Variants in SIGLEC1 observed in about 807,000 individuals in gnomAD.
The protein encoded by SIGLEC1 is sialoadhesin.
In SIGLEC1, 132 loss-of-function variants were observed where a neutral mutation model predicts 148.0. That is an observed-to-expected ratio of 0.89 (90% CI 0.77 to 1.03). The LOEUF is 1.03. SIGLEC1 is among the 50% of genes least tolerant of loss of function. The pLI is 0.00. For missense variants in SIGLEC1, 2,253 were observed against 2,271.4 expected, an observed-to-expected ratio of 0.99 and a Z score of 0.16; for synonymous variants, 945 against 969.0, an observed-to-expected ratio of 0.98 and a Z score of 0.46.
In SIGLEC1 at chr20:3,688,943, C is replaced by G. The variant is rs76610609; in HGVS notation, c.5070+212G>C. The G allele has an allele frequency of 6.5e-3, 3,978 of 611,864 alleles. 127 individuals carry two copies. In the African/African-American group the frequency reaches 0.067, roughly 10 times the overall value. The allele number at this position is 611,864 out of a possible 1,614,324, so 37.9% of individuals were successfully genotyped here. ...AGTCCAGAAAGTCTCCCCTAGTCCT[C>G]TAAGCCAGCCGCCAGCTGACACAGG... On this transcript the variant is annotated intron_variant, in intron 21 of 21. Transcript: ENST00000344754.
intron 1 of SIGLEC1, among the ~76,000 whole-genome samples, 132 bp downstream of exon 1, chr20:3,712,338 G>T (rs2087933138): frequency 6.6e-6 from 1 of 150,808 alleles, no homozygotes; most frequent in Non-Finnish European, 1.5e-5. Context: ...GGGTTGGTTT[G>T]GGGTCCACCA....
In SIGLEC1 at chr20:3,688,594, C is replaced by A; in HGVS notation, c.5096G>T (p.Cys1699Phe). 1 of 1,602,864 alleles carries A rather than the reference C, an allele frequency of 6.2e-7. No individual in the cohort carries two copies. Among genetic ancestry groups the A allele is most frequent in the Non-Finnish European group, 8.5e-7 (1 of 1,174,420 alleles). The change falls in exon 22 of 22, where the codon TGT becomes TTT. Residue 1699 changes from cysteine (C) to phenylalanine (F), a missense_variant. Cys to Phe is a radical substitution (Grantham distance 205). Transcript: ENST00000344754. ...TQLIDPDAATCETSTCAPPLG is the reference protein window; with the variant it reads ...TQLIDPDAATFETSTCAPPLG ...GGGTGGGGCACAGGTTGAGGTCTCA[C>A]ATGTGGCTGCATCAGGATCAATGAG...
intron 20 of SIGLEC1, 26 bp downstream of exon 20, chr20:3,689,574 T>A: frequency 1.3e-6 from 2 of 1,507,712 alleles, no homozygotes; most frequent in East Asian, 2.4e-5. Context: ...CCCAATCTTC[T>A]GGCCCACTCC....
chr20:3,697,773 G>C, intron 9 of SIGLEC1, 25 bp downstream of exon 9: 1 of 1,606,238 alleles, frequency 6.2e-7, no homozygotes, highest in Non-Finnish European at 8.5e-7. Context: ...CTGCCCCCAG[G>C]CCACCCATTC....
At chr20:3,693,945 G>A (rs904455088) in intron 13 of SIGLEC1, among the ~76,000 whole-genome samples, 3 of 152,186 alleles carry the variant, frequency 2.0e-5, no homozygotes, top group Non-Finnish European at 4.4e-5. Flanking sequence ...GACCCTGGCT[G>A]GGGGCAAATG....
At position 3,690,000 on chromosome 20, in the gene SIGLEC1, A is replaced by G; in HGVS notation, c.4856T>C (p.Leu1619Pro). Residue 1619 changes from leucine (L) to proline (P), a missense_variant, in exon 19 of 22, where the codon CTG (leucine) becomes CCG (proline). Coordinates refer to ENST00000344754, the MANE Select transcript of SIGLEC1 (RefSeq NM_023068.4). ...GTAGGTGGAGGTAGAGGCAGAGCCCAGGACATTTGAGGCAGAACAGATGTA... is the reference window on the plus strand; with the variant it reads ...GTAGGTGGAGGTAGAGGCAGAGCCCGGGACATTTGAGGCAGAACAGATGTA... ...GEYICSASNV[L>P]GSASTSTYFG... The G allele has an allele frequency of 6.2e-7, 1 of 1,613,162 alleles. No homozygotes were observed. Among genetic ancestry groups the G allele is most frequent in the Non-Finnish European group, 8.5e-7 (1 of 1,179,874 alleles).
rs766048790 is a variant in SIGLEC1, at chr20:3,710,192, G to A, written c.-110+2278C>T. Among the ~76,000 whole-genome samples the A allele has an allele frequency of 6.6e-6, 1 of 152,066 alleles. No homozygotes were observed. Among genetic ancestry groups the A allele is most frequent in the Non-Finnish European group, 1.5e-5 (1 of 67,998 alleles). On this transcript the variant is annotated intron_variant, in intron 1 of 21. Coordinates refer to ENST00000344754, the MANE Select transcript of SIGLEC1 (RefSeq NM_023068.4). The surrounding 1 kb of genome is among the most constrained non-coding windows in gnomAD (Gnocchi z 4.6). ...TGACCTCCCAGCTCCCAGCCCATCC[G>A]CCTCAGGGGCTGGGCTCAGCAGATT... is the stretch of plus-strand genomic sequence containing the variant.
Position 3,690,824 on chromosome 20 carries a change from C to CTTTTTTTTTTTTTTTTTTTTTTTTTTTT in SIGLEC1, c.4591+515_4591+516insAAAAAAAAAAAAAAAAAAAAAAAAAAAA, listed in dbSNP as rs200631809. ...TTCTTTTGGTTTTTTCTCTTCTTTTCTTTTCTTTTTTTTTTTTTTTTCTTG... is the reference window on the plus strand; with the variant it reads ...TTCTTTTGGTTTTTTCTCTTCTTTTCTTTTTTTTTTTTTTTTTTTTTTTTTTTTTTTTCTTTTTTTTTTTTTTTTCTTG... On this transcript the variant is annotated intron_variant, in intron 18 of 21. Coordinates refer to ENST00000344754, the MANE Select transcript of SIGLEC1 (RefSeq NM_023068.4). 1.7e-4 allele frequency among the ~76,000 whole-genome samples: 22 copies of CTTTTTTTTTTTTTTTTTTTTTTTTTTTT among 126,872 alleles called. 3 individuals carry two copies. Among genetic ancestry groups the CTTTTTTTTTTTTTTTTTTTTTTTTTTTT allele is most frequent in the African/African-American group, 7.0e-4 (21 of 29,858 alleles). 83.2% of individuals were successfully genotyped at this position (126,872 alleles called of 152,430 possible).
intron 9 of SIGLEC1, 63 bp downstream of exon 9, chr20:3,697,735 G>T: frequency 6.7e-7 from 1 of 1,496,510 alleles, no homozygotes; most frequent in Non-Finnish European, 9.2e-7. Flanking sequence ...GATCCTCCTC[G>T]GAGCAGAACA....
rs369409955 is a variant in SIGLEC1, at chr20:3,691,348, C to T, written c.4583G>A (p.Arg1528His). Reference sequence around the variant, plus strand: ...AGGGGGTTCACACTCACAGAGCACACGGAGCATGACTGGAGCAGAGGCAGC... The same window carrying T: ...AGGGGGTTCACACTCACAGAGCACATGGAGCATGACTGGAGCAGAGGCAGC... ...GAAASAPVML[R>H]VLYPPKTPTM... The change falls in exon 18 of 22, where the codon CGT (arginine) becomes CAT (histidine). Residue 1528 changes from arginine to histidine, a missense_variant. Coordinates refer to ENST00000344754, the MANE Select transcript of SIGLEC1 (RefSeq NM_023068.4). 168 of 1,613,366 alleles carry T rather than the reference C, an allele frequency of 1.0e-4. 2 individuals carry two copies. Among genetic ancestry groups the T allele is most frequent in the Middle Eastern group, 4.9e-4 (3 of 6,084 alleles).
intron 21 of SIGLEC1, 185 bp downstream of exon 21, chr20:3,688,970 A>T (rs2088726613): frequency 1.6e-6 from 1 of 629,686 alleles, no homozygotes; most frequent in African/African-American, 1.8e-5. Context: ...TGACACAGGG[A>T]TTCCCTCTGC....
chr20:3,693,769 T>G, intron 13 of SIGLEC1, 71 bp from the exon 14 acceptor site: 1 of 1,455,032 alleles, frequency 6.9e-7, no homozygotes. Context: ...CCTGTCTCCA[T>G]GTGGGTGAGC....
At position 3,703,883 on chromosome 20, in the gene SIGLEC1, G is replaced by T; in HGVS notation, c.915C>A (p.Cys305Ter). 1 of 1,614,132 alleles carries T rather than the reference G, an allele frequency of 6.2e-7. No individual in the cohort carries two copies. Among genetic ancestry groups the T allele is most frequent in the Non-Finnish European group, 8.5e-7 (1 of 1,180,034 alleles). Residue 305 changes from cysteine (C) to a stop codon, truncating the protein, a stop_gained, in exon 5 of 22, where the codon TGC becomes TGA. Transcript: ENST00000344754. LOFTEE classifies it high-confidence loss of function. ...AAWSDAGVYT[C>*]QAENGVGSLV... ...AAGAGCCCACGCCGTTCTCAGCTTG[G>T]CAGGTGTAGACGCCAGCATCGCTCC...
chr20:3,704,017 TGA>T lies in SIGLEC1; in HGVS notation c.779_780del (p.Leu260HisfsTer15). On this transcript the variant is annotated frameshift_variant, in exon 5 of 22. Coordinates refer to ENST00000344754, the MANE Select transcript of SIGLEC1 (RefSeq NM_023068.4). LOFTEE classifies it high-confidence loss of function. ...GGGTAGCTGCTGTTCACCTGGCAGGTGAGTGTGACCAGCTCACCTGGAAGGAT... is the reference window on the plus strand; with the variant it reads ...GGGTAGCTGCTGTTCACCTGGCAGGTGTGTGACCAGCTCACCTGGAAGGAT... ...RNILPGELVT[L>X]TCQVNSSYPA... 6.2e-7 allele frequency: 1 copy of T among 1,613,282 alleles called. No homozygotes were observed.
chr20:3,693,931 C>T (rs1366490951), intron 13 of SIGLEC1, among the ~76,000 whole-genome samples: 1 of 152,192 alleles, frequency 6.6e-6, no homozygotes, highest in Non-Finnish European at 1.5e-5. Flanking sequence ...CTGAGCCCCT[C>T]CCTGACCCTG....
In SIGLEC1 at chr20:3,690,201, A is replaced by G. The variant is rs2088743151; in HGVS notation, c.4655T>C (p.Leu1552Pro). ...CGGCTCGCTGTCCACTCGGCAATCC[A>G]GGATGCCCCGGAGGCCACCCTCAGG... The part of the protein sequence containing the change: ...VEPEGGLRGI[L>P]DCRVDSEPLA... Residue 1552 changes from leucine (L) to proline (P), a missense_variant, in exon 19 of 22, where the codon CTG becomes CCG. By Grantham distance (98) the Leu-to-Pro change is moderately conservative. Transcript: ENST00000344754. The G allele has an allele frequency of 3.2e-6, 5 of 1,560,658 alleles. No individual in the cohort carries two copies. The highest frequency in any genetic ancestry group is 4.3e-6 in the Non-Finnish European group (5 of 1,153,146).
At position 3,688,215 on chromosome 20, in the gene SIGLEC1, G is replaced by A; in HGVS notation, c.*345C>T. The stretch of plus-strand genomic sequence containing the variant: ...TGAGCCTCTGAGGATGCAGGATGCT[G>A]CAATCCAACCAAAGTCCAGGGTGAC... On this transcript the variant is annotated 3_prime_UTR_variant, in exon 22 of 22. Coordinates refer to ENST00000344754, the MANE Select transcript of SIGLEC1 (RefSeq NM_023068.4). 2.8e-6 allele frequency: 1 copy of A among 359,622 alleles called. No homozygotes were observed. Among genetic ancestry groups the A allele is most frequent in the Non-Finnish European group, 5.3e-6 (1 of 187,858 alleles). 22.3% of individuals were successfully genotyped at this position (359,622 alleles called of 1,614,324 possible).
At chr20:3,712,371 C>G (rs892410983) in intron 1 of SIGLEC1, among the ~76,000 whole-genome samples, 99 bp downstream of exon 1, 28 of 151,458 alleles carry the variant, frequency 1.8e-4, no homozygotes, top group African/African-American at 4.1e-4. Flanking sequence ...TGGAGCCCCC[C>G]CCCGACCCCT....
intron 6 of SIGLEC1, among the ~76,000 whole-genome samples, chr20:3,702,814 C>T (rs1005446201): frequency 6.6e-6 from 1 of 152,094 alleles, no homozygotes; most frequent in Non-Finnish European, 1.5e-5. Flanking sequence ...TGTGCATACA[C>T]ACAAGTGCAC....
Sources: allele counts gnomAD v4.1 joint callset (sites outside exome capture counted in the v4.1 genomes callset), GRCh38; gene constraint gnomAD v4.1.1; non-coding constraint Gnocchi (gnomAD v3.1); transcripts MANE v1.5; gene names NCBI Gene and HGNC (gene_info 2026-07-23, HGNC 2026-07-21).